SHISA9: variants seen among roughly 807,000 people sequenced by gnomAD.
SHISA9 encodes protein shisa-9.
Under a neutral mutation model 38.0 loss-of-function variants are expected in SHISA9, and 13 were observed. The ratio of observed to expected loss-of-function variants is 0.34; its 90% CI spans 0.22 to 0.54. The LOEUF (loss-of-function observed/expected upper bound fraction) is 0.54, where lower values mean the gene tolerates loss of function less well. Among genes scored for constraint, SHISA9 ranks in the 20% least tolerant of loss-of-function variants. SHISA9 has a pLI of 0.91. For missense variants in SHISA9, 538 were observed against 575.8 expected, an observed-to-expected ratio of 0.93 and a Z score of 0.67; for synonymous variants, 275 against 242.0, an observed-to-expected ratio of 1.14 and a Z score of -1.27.
At chr16:13,058,243 G>C (rs555357249) in intron 2 of SHISA9, among the ~76,000 whole-genome samples, 59 of 152,254 alleles carry the variant, frequency 3.9e-4, no homozygotes, top group African/African-American at 1.4e-3. Flanking sequence ...ATACCTGAGA[G>C]CTTGTTAAAA....
intron 2 of SHISA9, among the ~76,000 whole-genome samples, chr16:13,043,417 G>A (rs2073154013): frequency 6.6e-6 from 1 of 152,196 alleles, no homozygotes; most frequent in Non-Finnish European, 1.5e-5. Context: ...CACCACGGGA[G>A]GGTATTTGTG....
At chr16:12,990,672 G>A (rs13337985) in intron 2 of SHISA9, among the ~76,000 whole-genome samples, 6,169 of 152,254 alleles carry the variant, frequency 0.041, 405 homozygotes, top group African/African-American at 0.14. Flanking sequence ...TGGATGGGGG[G>A]TGGTGCTATT....
intron 2 of SHISA9, among the ~76,000 whole-genome samples, chr16:13,105,050 C>T (rs900941422): frequency 2.0e-5 from 3 of 151,948 alleles, no homozygotes; most frequent in African/African-American, 4.8e-5. Flanking sequence ...CTGGTTAAAG[C>T]TTGAGAAGTG....
At chr16:13,106,222 A>C (rs1229797216) in intron 2 of SHISA9, among the ~76,000 whole-genome samples, 2 of 152,192 alleles carry the variant, frequency 1.3e-5, no homozygotes, top group African/African-American at 4.8e-5. Flanking sequence ...GAATTATAGC[A>C]TATTTTATAA....
At chr16:13,549,546 T>G in the SHISA9 span, among the ~76,000 whole-genome samples, 1 of 152,160 alleles carries the variant, frequency 6.6e-6, no homozygotes, top group Non-Finnish European at 1.5e-5. Context: ...TGCTTTTATA[T>G]TTAAGAAAAA....
Position 13,203,455 on chromosome 16 carries a change from A to G in SHISA9, c.753A>G (p.Pro251=). ...CTCTGCTCCAGCAGATGGGCCATCC[A>G]CATTCGTACCCGAACCTGGGCCAGA... ...TSPLLQQMGH[P]HSYPNLGQIS... The change falls in exon 3 of 5, where the codon CCA becomes CCG. Residue 251 remains proline (P), a synonymous_variant. Transcript: ENST00000558583. 6 of 1,551,314 alleles carry G rather than the reference A, an allele frequency of 3.9e-6. No individual in the cohort carries two copies. Among genetic ancestry groups the G allele is most frequent in the East Asian group, 4.9e-5 (2 of 40,884 alleles).
intron 1 of SHISA9, among the ~76,000 whole-genome samples, chr16:12,913,308 T>A (rs2071210946): frequency 6.6e-6 from 1 of 152,152 alleles, no homozygotes; most frequent in Admixed American, 6.5e-5. Flanking sequence ...GCAATTCTCC[T>A]GCCCCAGCCT....
At chr16:13,179,632 A>G (rs571632146) in intron 2 of SHISA9, among the ~76,000 whole-genome samples, 7 of 152,330 alleles carry the variant, frequency 4.6e-5, no homozygotes, top group East Asian at 1.9e-4. Context: ...CTTGGCTCCA[A>G]TGATGGTCCC....
At chr16:13,039,124 G>T (rs765882644) in intron 2 of SHISA9, among the ~76,000 whole-genome samples, 17 of 152,120 alleles carry the variant, frequency 1.1e-4, no homozygotes, top group Non-Finnish European at 2.5e-4. Context: ...GGCCAGGCTG[G>T]TCTCGAACTC....
At chr16:13,223,792 G>A (rs75577177) in intron 4 of SHISA9, among the ~76,000 whole-genome samples, 3,337 of 152,312 alleles carry the variant, frequency 0.022, 49 homozygotes, top group Non-Finnish European at 0.03. Flanking sequence ...AGGCAAGAGA[G>A]GGCATGTGCA....
chr16:13,301,083 A>C, the SHISA9 span, among the ~76,000 whole-genome samples: 1 of 151,732 alleles, frequency 6.6e-6, no homozygotes, highest in African/African-American at 2.4e-5. Flanking sequence ...TTCCTTAAAA[A>C]CTCTACAATC....
chr16:13,322,757 T>A, the SHISA9 span, among the ~76,000 whole-genome samples: 1 of 152,110 alleles, frequency 6.6e-6, no homozygotes, highest in South Asian at 2.1e-4. Context: ...TGGGTGGGGA[T>A]GAGGAAAGCT....
the SHISA9 span, among the ~76,000 whole-genome samples, chr16:13,554,516 C>CTT: frequency 4.2e-3 from 554 of 132,112 alleles, 4 homozygotes; most frequent in African/African-American, 0.015. Context: ...TCTTCTCTTT[C>CTT]TTTTTTTTTT....
At chr16:13,285,971 C>G in the SHISA9 span, among the ~76,000 whole-genome samples, 1 of 152,172 alleles carries the variant, frequency 6.6e-6, no homozygotes, top group East Asian at 1.9e-4. Context: ...CCAAAAATCA[C>G]TAAGCTAAAG....
At chr16:13,037,231 G>A (rs79958428) in intron 2 of SHISA9, among the ~76,000 whole-genome samples, 2,036 of 152,118 alleles carry the variant, frequency 0.013, 35 homozygotes, top group South Asian at 0.019. Context: ...CTCCCAGGGC[G>A]TTTGAAGGCA....
the SHISA9 span, among the ~76,000 whole-genome samples, chr16:13,338,258 C>A: frequency 6.6e-6 from 1 of 152,164 alleles, no homozygotes; most frequent in African/African-American, 2.4e-5. Flanking sequence ...TTCCAGTATC[C>A]CTAAACTTCC....
intron 2 of SHISA9, among the ~76,000 whole-genome samples, chr16:13,123,796 G>A (rs1334182136): frequency 1.3e-5 from 2 of 152,232 alleles, no homozygotes; most frequent in African/African-American, 4.8e-5. Context: ...GACTATGGGA[G>A]CTAGACAAGG....
At chr16:13,463,119 G>T in the SHISA9 span, among the ~76,000 whole-genome samples, 1 of 152,154 alleles carries the variant, frequency 6.6e-6, no homozygotes, top group Admixed American at 6.5e-5. Context: ...TAGTGCCATT[G>T]CACTCTGTTT....
At chr16:13,019,816 CTTTCTTTCT>C (rs2072807248) in intron 2 of SHISA9, among the ~76,000 whole-genome samples, 1 of 138,362 alleles carries the variant, frequency 7.2e-6, no homozygotes, top group Non-Finnish European at 1.6e-5. Context: ...TTCTTTCTTT[CTTTCTTTCT>C]TTCTTTCTTT....
Sources: allele counts gnomAD v4.1 joint callset (sites outside exome capture counted in the v4.1 genomes callset), GRCh38; gene constraint gnomAD v4.1.1; transcripts MANE v1.5; gene names NCBI Gene and HGNC (gene_info 2026-07-23, HGNC 2026-07-21).